Variants in DSCAML1 observed in about 807,000 individuals in gnomAD.
The protein encoded by DSCAML1 is DS cell adhesion molecule like 1, also known as cell adhesion molecule DSCAML1.
A neutral mutation model predicts 200.5 loss-of-function variants in DSCAML1; 38 were observed. The observed-to-expected ratio is 0.19, with a 90% CI of 0.15 to 0.25. DSCAML1 has a LOEUF of 0.25. Among genes scored for constraint, DSCAML1 ranks in the 10% least tolerant of loss-of-function variants. DSCAML1 has a pLI of 1.00. For synonymous variants in DSCAML1, 1,215 were observed against 1,165.0 expected (o/e 1.04, Z -0.87); for missense variants, 2,223 against 2,858.8 (o/e 0.78, Z 5.07).
At chr11:117,694,456 G>C (rs906821719) in intron 3 of DSCAML1, among the ~76,000 whole-genome samples, 1 of 151,936 alleles carries the variant, frequency 6.6e-6, no homozygotes, top group East Asian at 1.9e-4. Context: ...CTTGAAACCT[G>C]TTCTGTTCGT....
intron 4 of DSCAML1, among the ~76,000 whole-genome samples, chr11:117,528,433 AC>A (rs2050018081): frequency 6.6e-6 from 1 of 152,230 alleles, no homozygotes; most frequent in South Asian, 2.1e-4. Context: ...GTACATGGCG[AC>A]AGCCCGGGGG....
At chr11:117,432,649 C>T (rs2047825564) in intron 29 of DSCAML1, 145 bp from the exon 30 acceptor site, 1 of 924,312 alleles carries the variant, frequency 1.1e-6, no homozygotes, top group Non-Finnish European at 1.6e-6. Flanking sequence ...CAGGGTCTCA[C>T]TCTGTTGCCC....
intron 3 of DSCAML1, among the ~76,000 whole-genome samples, chr11:117,741,494 G>A (rs2054422568): frequency 6.6e-6 from 1 of 152,222 alleles, no homozygotes; most frequent in Admixed American, 6.5e-5. Context: ...ATTGTGTTAA[G>A]CCATTGAGAT....
At chr11:117,639,825 C>T (rs984172711) in intron 3 of DSCAML1, among the ~76,000 whole-genome samples, 1 of 152,080 alleles carries the variant, frequency 6.6e-6, no homozygotes, top group Non-Finnish European at 1.5e-5. Flanking sequence ...GCCCTGCCCA[C>T]CCCATGCCTC....
intron 3 of DSCAML1, among the ~76,000 whole-genome samples, chr11:117,590,065 T>C (rs2051227492): frequency 6.6e-6 from 1 of 152,264 alleles, no homozygotes; most frequent in Non-Finnish European, 1.5e-5. Context: ...TTATTTAATA[T>C]GTTTTTCAAA....
rs1424230755 is a variant in DSCAML1 at position 117,505,927 on chromosome 11, T to C, written c.1784-195A>G. On this transcript the variant is annotated intron_variant, in intron 8 of 32. Coordinates refer to ENST00000651296, the MANE Select transcript of DSCAML1 (RefSeq NM_020693.4). This position sits in a 1 kb window ranked among gnomAD's most constrained non-coding sequence, Gnocchi z 6.7. ...CTCCTGTCCCTCTGCCCGCCCAGGC[T>C]GGGACCCACTGTCTCTGTTCAGGGC... 6.6e-6 allele frequency among the ~76,000 whole-genome samples: 1 copy of C among 152,242 alleles called. No individual in the cohort carries two copies. Among genetic ancestry groups the C allele is most frequent in the Admixed American group, 6.5e-5 (1 of 15,286 alleles).
chr11:117,784,479 A>G (rs961258596), intron 1 of DSCAML1, among the ~76,000 whole-genome samples: 1 of 152,194 alleles, frequency 6.6e-6, no homozygotes, highest in African/African-American at 2.4e-5. Flanking sequence ...CATGGGCAGC[A>G]GGTTAAGTGG....
chr11:117,584,678 G>A (rs2137468388), intron 3 of DSCAML1, among the ~76,000 whole-genome samples: 1 of 152,342 alleles, frequency 6.6e-6, no homozygotes, highest in East Asian at 1.9e-4. Context: ...AGCCACTTTG[G>A]TTGGTTTTGT....
chr11:117,616,861 T>C (rs562005481), intron 3 of DSCAML1, among the ~76,000 whole-genome samples: 3 of 152,342 alleles, frequency 2.0e-5, no homozygotes, highest in African/African-American at 7.2e-5. Flanking sequence ...CCAACCGTGA[T>C]TGACTTTAAA....
At chr11:117,811,129 A>T (rs943142307) in intron 1 of DSCAML1, among the ~76,000 whole-genome samples, 3 of 152,130 alleles carry the variant, frequency 2.0e-5, no homozygotes, top group Non-Finnish European at 4.4e-5. Context: ...AGGTGGCTGG[A>T]GCTAAAGGCA....
intron 3 of DSCAML1, among the ~76,000 whole-genome samples, chr11:117,540,528 T>C (rs986210932): frequency 1.1e-4 from 17 of 152,008 alleles, no homozygotes; most frequent in Admixed American, 1.1e-3. Flanking sequence ...CCCTTAAAAA[T>C]GATTAAGATG....
At chr11:117,472,326 C>T (rs952985749) in intron 14 of DSCAML1, among the ~76,000 whole-genome samples, 1 of 152,190 alleles carries the variant, frequency 6.6e-6, no homozygotes, top group African/African-American at 2.4e-5. Flanking sequence ...GCCAAGATCA[C>T]CATCTGTTTG....
chr11:117,529,913 G>A (rs1208172438), intron 4 of DSCAML1, among the ~76,000 whole-genome samples: 7 of 152,046 alleles, frequency 4.6e-5, no homozygotes, highest in Non-Finnish European at 1.0e-4. Context: ...CATTTTTGCC[G>A]AGACAAGCAG....
At chr11:117,762,844 C>A (rs2054827716) in intron 3 of DSCAML1, among the ~76,000 whole-genome samples, 1 of 147,678 alleles carries the variant, frequency 6.8e-6, no homozygotes, top group African/African-American at 2.5e-5. Context: ...GCCTGGGCAA[C>A]AGAGTGAGAC....
chr11:117,728,764 A>G (rs949710030), intron 3 of DSCAML1, among the ~76,000 whole-genome samples: 1 of 152,236 alleles, frequency 6.6e-6, no homozygotes, highest in African/African-American at 2.4e-5. Context: ...TGAAAACCAT[A>G]AAACATTATT....
intron 21 of DSCAML1, among the ~76,000 whole-genome samples, chr11:117,442,341 T>TGTGTGTAA (rs1491280383): frequency 6.6e-6 from 1 of 151,480 alleles, no homozygotes; most frequent in African/African-American, 2.4e-5. Flanking sequence ...ATAGTGTGTA[T>TGTGTGTAA]GTGTGTGCAT....
In DSCAML1 at chr11:117,726,270, T is replaced by C. The variant is rs374771006; in HGVS notation, c.511+50521A>G. On this transcript the variant is annotated intron_variant, in intron 3 of 32. Coordinates refer to ENST00000651296, the MANE Select transcript of DSCAML1 (RefSeq NM_020693.4). ...GTATCTCTGTGTGTGTGTGTGCGTG[T>C]GTGTGTGTGTGTGTGTGTGTGTATG... 8.7e-3 allele frequency among the ~76,000 whole-genome samples: 1,301 copies of C among 148,962 alleles called. 4 individuals carry two copies. The highest frequency in any genetic ancestry group is 0.012 in the African/African-American group (482 of 40,814).
chr11:117,531,239 G>A (rs2050071627), intron 4 of DSCAML1, among the ~76,000 whole-genome samples: 2 of 152,078 alleles, frequency 1.3e-5, no homozygotes, highest in South Asian at 2.1e-4. Flanking sequence ...GAAGGACACC[G>A]AGGCCAGGGG....
At chr11:117,565,892 C>G (rs973677730) in intron 3 of DSCAML1, among the ~76,000 whole-genome samples, 1 of 152,186 alleles carries the variant, frequency 6.6e-6, no homozygotes, top group Non-Finnish European at 1.5e-5. Context: ...TGCCAAAGCT[C>G]AAAGCCACAC....
Sources: allele counts gnomAD v4.1 joint callset (sites outside exome capture counted in the v4.1 genomes callset), GRCh38; gene constraint gnomAD v4.1.1; non-coding constraint Gnocchi (gnomAD v3.1); transcripts MANE v1.5; gene names NCBI Gene and HGNC (gene_info 2026-07-23, HGNC 2026-07-21).